The following PLK3 variants were observed in gnomAD, a reference collection of about 807,000 sequenced individuals.
PLK3 encodes the protein polo like kinase 3.
A neutral mutation model predicts 71.6 loss-of-function variants in PLK3; 41 were observed. The observed-to-expected ratio is 0.57, with a 90% CI of 0.45 to 0.74. PLK3 has a LOEUF of 0.74. Ranked by LOEUF, PLK3 falls within the 30% of genes least tolerant of loss-of-function variation. PLK3 has a pLI of 0.00. For missense variants in PLK3, 791 were observed against 875.6 expected (o/e 0.90, Z 1.22); for synonymous variants, 366 against 355.4 (o/e 1.03, Z -0.33).
In PLK3 at chr1:44,801,236, G is replaced by A. The variant is rs533581401; in HGVS notation, c.435+84G>A. 3.9e-4 allele frequency: 314 copies of A among 797,050 alleles called. 4 individuals carry two copies. In the South Asian group the frequency reaches 5.3e-3, roughly 13 times the overall value. The allele number at this position is 797,050 out of a possible 1,614,324, so 49.4% of individuals were successfully genotyped here. On this transcript the variant is annotated intron_variant, in intron 3 of 14. Coordinates refer to ENST00000372201, the MANE Select transcript of PLK3 (RefSeq NM_004073.4). ...TTTTTTTTTTTTTTTTTGAGATGGA[G>A]TCTTGCTCTGTTGCCCAGGCTGGAG...
chr1:44,803,075 C>T lies in PLK3; in HGVS notation c.870C>T (p.Leu290=), dbSNP rs750686581. ...GCCTCTCACTGCCTGCCCGGCAGCT[C>T]CTGGCCGCCATCCTTCGGGCCTCAC... The part of the protein sequence containing the change: ...PASLSLPARQ[L]LAAILRASPR... Residue 290 remains leucine (L), a synonymous_variant, in exon 7 of 15, where the codon CTC becomes CTT. Transcript: ENST00000372201. This position sits in a 1 kb window ranked among gnomAD's most constrained non-coding sequence, Gnocchi z 4.3. 2.5e-6 allele frequency: 4 copies of T among 1,613,834 alleles called. No individual in the cohort carries two copies. The South Asian group carries it at 3.3e-5, about 13-fold the overall frequency.
rs559635815 is a variant in PLK3 at position 44,805,956 on chromosome 1, G to C, written c.*278G>C. 6.4e-5 allele frequency: 96 copies of C among 1,509,800 alleles called. No individual in the cohort carries two copies. The Admixed American group carries it at 1.7e-3, about 26-fold the overall frequency. 93.5% of individuals were successfully genotyped at this position (1,509,800 alleles called of 1,614,324 possible). A position where few individuals can be genotyped will look rare whatever the true frequency, so the allele number is the denominator to read the frequency against. On this transcript the variant is annotated 3_prime_UTR_variant, in exon 15 of 15. Coordinates refer to ENST00000372201, the MANE Select transcript of PLK3 (RefSeq NM_004073.4). The stretch of plus-strand genomic sequence containing the variant: ...TTTATTGGGATGTGAGCCCCAGGGG[G>C]GCCTCCTCCTAGGATAATAAACAAT...
chr1:44,800,819 C>T lies in PLK3; in HGVS notation c.211-21C>T, dbSNP rs1377193803. The T allele has an allele frequency of 1.2e-6, 2 of 1,600,020 alleles. No individual in the cohort carries two copies. The highest frequency in any genetic ancestry group is 1.7e-6 in the Non-Finnish European group (2 of 1,174,370). ...GACTCGGCCCCCCTGGAACAACCAGCCTGATGCCCCCTCTTCACAGGGGGG... is the reference window on the plus strand; with the variant it reads ...GACTCGGCCCCCCTGGAACAACCAGTCTGATGCCCCCTCTTCACAGGGGGG... On this transcript the variant is annotated intron_variant, in intron 1 of 14. Transcript: ENST00000372201. The surrounding 1 kb of genome is among the most constrained non-coding windows in gnomAD (Gnocchi z 6.5).
chr1:44,803,554 A>T lies in PLK3; in HGVS notation c.1073-46A>T. On this transcript the variant is annotated intron_variant, in intron 8 of 14. Coordinates refer to ENST00000372201, the MANE Select transcript of PLK3 (RefSeq NM_004073.4). This position sits in a 1 kb window ranked among gnomAD's most constrained non-coding sequence, Gnocchi z 4.3. ...TCTGTGTCATCCCTGTCGGAAGTGGAGGGGCTGGGCAGGATACTGAGGACG... is the reference window on the plus strand; with the variant it reads ...TCTGTGTCATCCCTGTCGGAAGTGGTGGGGCTGGGCAGGATACTGAGGACG... 6.3e-7 allele frequency: 1 copy of T among 1,585,652 alleles called. No homozygotes were observed. The highest frequency in any genetic ancestry group is 8.7e-7 in the Non-Finnish European group (1 of 1,155,484).
chr1:44,800,794 G>C lies in PLK3; in HGVS notation c.211-46G>C, dbSNP rs1651801580. The C allele has an allele frequency of 2.5e-6, 4 of 1,573,586 alleles. No individual in the cohort carries two copies. Among genetic ancestry groups the C allele is most frequent in the Non-Finnish European group, 3.4e-6 (4 of 1,159,858 alleles). On this transcript the variant is annotated intron_variant, in intron 1 of 14. Transcript: ENST00000372201. The surrounding 1 kb of genome is among the most constrained non-coding windows in gnomAD (Gnocchi z 6.5). ...CCAACGCGGGGACGCCCGCGGGCCA[G>C]ACTCGGCCCCCCTGGAACAACCAGC...
rs1032107383 is a variant in PLK3, at chr1:44,803,438, G to A, written c.1072+47G>A. ...GTTGAGGGGGCAGAGCAGTAGAGCG[G>A]CTTGTCACATTTGTCTTGGGTGTGT... On this transcript the variant is annotated intron_variant, in intron 8 of 14. Coordinates refer to ENST00000372201, the MANE Select transcript of PLK3 (RefSeq NM_004073.4). This position sits in a 1 kb window ranked among gnomAD's most constrained non-coding sequence, Gnocchi z 4.3. 1.5e-5 allele frequency: 24 copies of A among 1,611,212 alleles called. No individual in the cohort carries two copies. Among genetic ancestry groups the A allele is most frequent in the Non-Finnish European group, 2.0e-5 (23 of 1,178,314 alleles).
chr1:44,800,497 C>G lies in PLK3; in HGVS notation c.34C>G (p.Pro12Ala). Reference sequence around the variant, plus strand: ...TGCCGCCGGTTTCCTGTCTCCGCGCCCCTTCCAGCGTGCGGCCGCCGCGCC... The same window carrying G: ...TGCCGCCGGTTTCCTGTCTCCGCGCGCCTTCCAGCGTGCGGCCGCCGCGCC... ...EPAAGFLSPR[P>A]FQRAAAAPAP... The change falls in exon 1 of 15, where the codon CCC (proline) becomes GCC (alanine). Residue 12 changes from proline to alanine, a missense_variant. By Grantham distance (27) the Pro-to-Ala change is conservative. Coordinates refer to ENST00000372201, the MANE Select transcript of PLK3 (RefSeq NM_004073.4). The surrounding 1 kb of genome is among the most constrained non-coding windows in gnomAD (Gnocchi z 6.5). 1.4e-6 allele frequency: 2 copies of G among 1,448,194 alleles called. No homozygotes were observed. The highest frequency in any genetic ancestry group is 1.8e-6 in the Non-Finnish European group (2 of 1,107,856). 89.7% of individuals were successfully genotyped at this position (1,448,194 alleles called of 1,614,324 possible).
In PLK3 at chr1:44,801,103, T is replaced by G; in HGVS notation, c.386T>G (p.Phe129Cys). ...HRHIVRFSHH[F>C]EDADNIYIFL... Reference sequence around the variant, plus strand: ...CACATCGTGCGTTTTTCGCACCACTTTGAGGACGCTGACAACATCTACATT... The same window carrying G: ...CACATCGTGCGTTTTTCGCACCACTGTGAGGACGCTGACAACATCTACATT... The change falls in exon 3 of 15, where the codon TTT becomes TGT. Residue 129 changes from phenylalanine (F) to cysteine (C), a missense_variant. Transcript: ENST00000372201. 1 of 1,613,612 alleles carries G rather than the reference T, an allele frequency of 6.2e-7. No individual in the cohort carries two copies. Among genetic ancestry groups the G allele is most frequent in the Non-Finnish European group, 8.5e-7 (1 of 1,179,898 alleles).
At position 44,805,907 on chromosome 1, in the gene PLK3, C is replaced by T; in HGVS notation, c.*229C>T. ...GCTAGGGGGCGTTATTTATGGACCA[C>T]TTTTATTTATTGTCAGACACTTATT... On this transcript the variant is annotated 3_prime_UTR_variant, in exon 15 of 15. Coordinates refer to ENST00000372201, the MANE Select transcript of PLK3 (RefSeq NM_004073.4). 2.0e-6 allele frequency: 3 copies of T among 1,464,028 alleles called. No individual in the cohort carries two copies. The highest frequency in any genetic ancestry group is 2.7e-6 in the Non-Finnish European group (3 of 1,104,930). 90.7% of individuals were successfully genotyped at this position (1,464,028 alleles called of 1,614,324 possible).
chr1:44,801,294 C>G, intron 3 of PLK3, 142 bp downstream of exon 3: 1 of 610,404 alleles, frequency 1.6e-6, no homozygotes, highest in Non-Finnish European at 2.8e-6. Context: ...ACTGCAATCT[C>G]TGCCTCCCGG....
In PLK3 at chr1:44,800,752, G is replaced by T. The variant is rs904413246; in HGVS notation, c.210+79G>T. The T allele has an allele frequency of 4.5e-6, 7 of 1,541,550 alleles. No individual in the cohort carries two copies. On this transcript the variant is annotated intron_variant, in intron 1 of 14. Coordinates refer to ENST00000372201, the MANE Select transcript of PLK3 (RefSeq NM_004073.4). The surrounding 1 kb of genome is among the most constrained non-coding windows in gnomAD (Gnocchi z 6.5). ...GGCCTCTTTTCTGGCGCCGAGCAGGGCGTGGGCACTTGACCCCCAACGCGG... is the reference window on the plus strand; with the variant it reads ...GGCCTCTTTTCTGGCGCCGAGCAGGTCGTGGGCACTTGACCCCCAACGCGG...
intron 13 of PLK3, 45 bp from the exon 14 acceptor site, chr1:44,805,221 G>GTCA (rs1358670234): frequency 8.0e-7 from 1 of 1,248,422 alleles, no homozygotes; most frequent in African/African-American, 1.5e-5. Context: ...TGGGGAGGGG[G>GTCA]CTGTCTCACG....
At chr1:44,804,921 A>C in intron 13 of PLK3, 142 bp downstream of exon 13, 1 of 748,706 alleles carries the variant, frequency 1.3e-6, no homozygotes, top group South Asian at 1.7e-5. Flanking sequence ...CTGGCTAACA[A>C]GGTGAAACCC....
rs1467506067 is a variant in PLK3 at position 44,803,329 on chromosome 1, C to A, written c.1010C>A (p.Pro337His). The A allele has an allele frequency of 6.2e-7, 1 of 1,614,110 alleles. No homozygotes were observed. Among genetic ancestry groups the A allele is most frequent in the Non-Finnish European group, 8.5e-7 (1 of 1,180,002 alleles). The stretch of plus-strand genomic sequence containing the variant: ...GTGACAGTCCCAGACCTGACACCCC[C>A]CAACCCAGCTAGGAGTCTGTTTGCC... ...SCVTVPDLTP[P>H]NPARSLFAKV... Residue 337 changes from proline (P) to histidine (H), a missense_variant, in exon 8 of 15, where the codon CCC becomes CAC. By Grantham distance (77) the Pro-to-His change is moderately conservative (BLOSUM62 -2). Transcript: ENST00000372201. The surrounding 1 kb of genome is among the most constrained non-coding windows in gnomAD (Gnocchi z 4.3).
At chr1:44,804,806 T>C (rs1164831632) in intron 13 of PLK3, 27 bp downstream of exon 13, 1 of 1,611,370 alleles carries the variant, frequency 6.2e-7, no homozygotes, top group South Asian at 1.1e-5. Flanking sequence ...TGTGGTACAT[T>C]GAAACCTAAC....
At position 44,803,697 on chromosome 1, in the gene PLK3, G is replaced by T. The variant is rs1651912341; in HGVS notation, c.1164+6G>T. The T allele has an allele frequency of 6.2e-7, 1 of 1,602,092 alleles. No homozygotes were observed. The highest frequency in any genetic ancestry group is 1.3e-5 in the African/African-American group (1 of 74,604). ...ATCAGGATGCCAGGCCAGAGGTGAGGCGCTCAGGTGGACACTGTTCCCCTG... is the reference window on the plus strand; with the variant it reads ...ATCAGGATGCCAGGCCAGAGGTGAGTCGCTCAGGTGGACACTGTTCCCCTG... On this transcript the variant is annotated splice_donor_region_variant and intron_variant, in intron 9 of 14. Coordinates refer to ENST00000372201, the MANE Select transcript of PLK3 (RefSeq NM_004073.4). The surrounding 1 kb of genome is among the most constrained non-coding windows in gnomAD (Gnocchi z 4.3).
In PLK3 at chr1:44,800,419, G is replaced by A; in HGVS notation, c.-45G>A. ...GGCAGCGCCACGCGCGGCCGGGGCC[G>A]GGCGGAACCGAGAAGCCGGGACCGC... On this transcript the variant is annotated 5_prime_UTR_variant, in exon 1 of 15. Coordinates refer to ENST00000372201, the MANE Select transcript of PLK3 (RefSeq NM_004073.4). This position sits in a 1 kb window ranked among gnomAD's most constrained non-coding sequence, Gnocchi z 6.5. 1.0e-5 allele frequency: 13 copies of A among 1,284,840 alleles called. No homozygotes were observed. The highest frequency in any genetic ancestry group is 1.2e-5 in the Non-Finnish European group (12 of 1,019,904). 79.6% of individuals were successfully genotyped at this position (1,284,840 alleles called of 1,614,324 possible). A position where few individuals can be genotyped will look rare whatever the true frequency, so the allele number is the denominator to read the frequency against.
rs975206812 is a variant in PLK3 at position 44,805,376 on chromosome 1, C to G, written c.1746C>G (p.Val582=). The stretch of plus-strand genomic sequence containing the variant: ...TCATGCTGTTTAGTGATGGCACTGT[C>G]CAGGTAAGAGCCTATCCAGGAGTTG... ...ALLMLFSDGT[V]QVNFYGDHTK... Residue 582 remains valine (V), a synonymous_variant, in exon 14 of 15, where the codon GTC becomes GTG. Transcript: ENST00000372201. The G allele has an allele frequency of 3.7e-6, 6 of 1,612,590 alleles. No individual in the cohort carries two copies. In the East Asian group the frequency reaches 1.3e-4, roughly 36 times the overall value.
chr1:44,805,491 A>T lies in PLK3; in HGVS notation c.1754A>T (p.Asn585Ile). The T allele has an allele frequency of 6.2e-7, 1 of 1,614,110 alleles. No homozygotes were observed. The highest frequency in any genetic ancestry group is 8.5e-7 in the Non-Finnish European group (1 of 1,179,970). ...ACTGTCATGCTCTGTGTGCAGGTGA[A>T]CTTCTACGGGGACCACACCAAGCTG... Reference protein sequence around the residue: ...MLFSDGTVQVNFYGDHTKLIL... With the variant: ...MLFSDGTVQVIFYGDHTKLIL... Residue 585 changes from asparagine (N) to isoleucine (I), a missense_variant, in exon 15 of 15, where the codon AAC becomes ATC. Physicochemically the swap from Asn to Ile is moderately radical, Grantham distance 149. Transcript: ENST00000372201.
Sources: allele counts gnomAD v4.1 joint callset, GRCh38; gene constraint gnomAD v4.1.1; non-coding constraint Gnocchi (gnomAD v3.1); transcripts MANE v1.5; gene names NCBI Gene and HGNC (gene_info 2026-07-23, HGNC 2026-07-21).